Variants in CXXC1 observed in about 807,000 individuals in gnomAD.
CXXC1 encodes CXXC-type zinc finger protein 1.
A neutral mutation model predicts 83.6 loss-of-function variants in CXXC1; 21 were observed. That is an observed-to-expected ratio of 0.25 (90% CI 0.18 to 0.36). CXXC1 has a LOEUF of 0.36. CXXC1 is among the 10% of genes least tolerant of loss of function. CXXC1 has a pLI of 1.00. For missense variants in CXXC1, 688 were observed against 919.5 expected (o/e 0.75, Z 3.26); for synonymous variants, 371 against 337.5 (o/e 1.10, Z -1.09).
chr18:50,282,533 C>A lies in CXXC1; in HGVS notation c.*60G>T. 6.3e-7 allele frequency: 1 copy of A among 1,585,728 alleles called. No individual in the cohort carries two copies. Among genetic ancestry groups the A allele is most frequent in the South Asian group, 1.1e-5 (1 of 90,336 alleles). ...ACAGATGAGTGGAGGAACGGACACA[C>A]GGGCACCGGGCGGCTCCCCCATCTG... On this transcript the variant is annotated 3_prime_UTR_variant, in exon 15 of 15. Coordinates refer to ENST00000285106, the MANE Select transcript of CXXC1 (RefSeq NM_014593.4). The surrounding 1 kb of genome is among the most constrained non-coding windows in gnomAD (Gnocchi z 5.8).
chr18:50,287,418 C>T, intron 1 of CXXC1, 169 bp downstream of exon 1: 4 of 783,798 alleles, frequency 5.1e-6, no homozygotes. Context: ...CCCACCGTGG[C>T]TCACCATAGA....
In CXXC1 at chr18:50,286,148, C is replaced by T. The variant is rs778917305; in HGVS notation, c.333G>A (p.Arg111=). 7 of 1,613,986 alleles carry T rather than the reference C, an allele frequency of 4.3e-6. No homozygotes were observed. The Admixed American group carries it at 5.0e-5, about 12-fold the overall frequency. Residue 111 remains arginine (R), a synonymous_variant, in exon 4 of 15, where the codon AGG becomes AGA. Transcript: ENST00000285106. ...GCTGCAGGTCTGGATCAGGGACAGGCCTCTTGCGCCCTCCACCCTCATCCC... is the reference window on the plus strand; with the variant it reads ...GCTGCAGGTCTGGATCAGGGACAGGTCTCTTGCGCCCTCCACCCTCATCCC... ...EPRDEGGGRK[R]PVPDPDLQRR...
At chr18:50,283,175 G>A (rs1252134162) in intron 13 of CXXC1, 90 bp downstream of exon 13, 11 of 1,330,508 alleles carry the variant, frequency 8.3e-6, no homozygotes, top group East Asian at 2.3e-5. Context: ...AAAAAGTGAA[G>A]GAAAAGTGAG....
In CXXC1 at chr18:50,283,903, C is replaced by T. The variant is rs1172963251; in HGVS notation, c.1404G>A (p.Glu468=). The T allele has an allele frequency of 5.6e-6, 9 of 1,613,968 alleles. No homozygotes were observed. Among genetic ancestry groups the T allele is most frequent in the Non-Finnish European group, 6.8e-6 (8 of 1,180,038 alleles). Residue 468 remains glutamate (E), a synonymous_variant, in exon 10 of 15, where the codon GAG becomes GAA. Coordinates refer to ENST00000285106, the MANE Select transcript of CXXC1 (RefSeq NM_014593.4). ...GCCCCTGCTTGCTCACCTCCTCATC[C>T]TCGCGCACAGCCTGCTGCTTGGCAC... is the stretch of plus-strand genomic sequence containing the variant. ...ILRAKQQAVR[E]DEESNEGDSD... is the part of the protein sequence containing the mutation.
intron 12 of CXXC1, 43 bp downstream of exon 12, chr18:50,283,472 C>T (rs372188604): frequency 3.8e-4 from 618 of 1,612,160 alleles, no homozygotes; most frequent in Non-Finnish European, 4.9e-4. Context: ...TTCTGACCCC[C>T]GCCTTAACCC....
Position 50,287,645 on chromosome 18 carries a change from A to G in CXXC1, c.-56T>C. 6.2e-7 allele frequency: 1 copy of G among 1,604,206 alleles called. No homozygotes were observed. Among genetic ancestry groups the G allele is most frequent in the Non-Finnish European group, 8.5e-7 (1 of 1,178,334 alleles). ...CCCCGCCAGCGACCCGCGAACCTGC[A>G]CAGACCACTCGGCGGCGTCCCAGGC... On this transcript the variant is annotated 5_prime_UTR_variant, in exon 1 of 15. Transcript: ENST00000285106.
Position 50,284,799 on chromosome 18 carries a change from G to A in CXXC1, c.953C>T (p.Pro318Leu), listed in dbSNP as rs754695440. ...TTTCACTGCCCTCTTCCGCAGCGCG[G>A]GGTCCAGGAATGGGGACTCTTCTGT... Reference protein sequence around the residue: ...SDTEESPFLDPALRKRAVKVK... With the variant: ...SDTEESPFLDLALRKRAVKVK... Residue 318 changes from proline (P) to leucine (L), a missense_variant, in exon 8 of 15, where the codon CCC becomes CTC. Physicochemically the swap from Pro to Leu is moderately conservative, Grantham distance 98. This residue lies in a region of CXXC1 where 190 missense variants were observed against 199.7 expected (regional missense o/e 0.95). Coordinates refer to ENST00000285106, the MANE Select transcript of CXXC1 (RefSeq NM_014593.4). 1 of 1,614,148 alleles carries A rather than the reference G, an allele frequency of 6.2e-7. No homozygotes were observed. Among genetic ancestry groups the A allele is most frequent in the East Asian group, 2.2e-5 (1 of 44,880 alleles).
At position 50,286,651 on chromosome 18, in the gene CXXC1, G is replaced by T. The variant is rs1466303723; in HGVS notation, c.123-12C>A. The T allele has an allele frequency of 6.2e-7, 1 of 1,613,506 alleles. No homozygotes were observed. Among genetic ancestry groups the T allele is most frequent in the African/African-American group, 1.3e-5 (1 of 74,942 alleles). On this transcript the variant is annotated splice_polypyrimidine_tract_variant and intron_variant, in intron 2 of 14. Transcript: ENST00000285106. ...AGTTGTCACACCCGCTGCAGAGGAT[G>T]GGGCAGGCGATGGAGATGTGAGGGG... is the stretch of plus-strand genomic sequence containing the variant.
Position 50,287,652 on chromosome 18 carries a change from A to T in CXXC1, c.-63T>A. On this transcript the variant is annotated 5_prime_UTR_variant, in exon 1 of 15. Transcript: ENST00000285106. The stretch of plus-strand genomic sequence containing the variant: ...AGCGACCCGCGAACCTGCACAGACC[A>T]CTCGGCGGCGTCCCAGGCGGTTGCA... 1.3e-6 allele frequency: 2 copies of T among 1,594,860 alleles called. No individual in the cohort carries two copies. Among genetic ancestry groups the T allele is most frequent in the Non-Finnish European group, 1.7e-6 (2 of 1,173,998 alleles).
In CXXC1 at chr18:50,284,805, A is replaced by G; in HGVS notation, c.947T>C (p.Leu316Pro). The G allele has an allele frequency of 3.7e-6, 6 of 1,614,168 alleles. No individual in the cohort carries two copies. Among genetic ancestry groups the G allele is most frequent in the East Asian group, 2.2e-5 (1 of 44,884 alleles). Residue 316 changes from leucine to proline, a missense_variant, in exon 8 of 15, where the codon CTG (leucine) becomes CCG (proline). Leu to Pro is a moderately conservative substitution (Grantham distance 98). Around this residue, in one of 9 missense-constraint regions of CXXC1, gnomAD observed 190 missense variants for 199.7 expected, o/e 0.95. Coordinates refer to ENST00000285106, the MANE Select transcript of CXXC1 (RefSeq NM_014593.4). ...TGCCCTCTTCCGCAGCGCGGGGTCC[A>G]GGAATGGGGACTCTTCTGTGTCGCT... ...WMSDTEESPF[L>P]DPALRKRAVK... is the part of the protein sequence containing the mutation.
In CXXC1 at chr18:50,285,272, GC is replaced by G. The variant is rs1272768790; in HGVS notation, c.667-26del. ...GCTGCAGGGCAGAATCTCAGGACTG[GC>G]CCTGACCGCCCTGCCCGCATGCCCC... On this transcript the variant is annotated intron_variant, in intron 6 of 14. Transcript: ENST00000285106. This position sits in a 1 kb window ranked among gnomAD's most constrained non-coding sequence, Gnocchi z 4.4. 1 of 1,612,666 alleles carries G rather than the reference GC, an allele frequency of 6.2e-7. No homozygotes were observed. The highest frequency in any genetic ancestry group is 2.2e-5 in the East Asian group (1 of 44,868).
Position 50,285,545 on chromosome 18 carries a change from C to G in CXXC1, c.640-194G>C. ...CTGAAAACACCTGGCCCCACTCTGTCTACCCAGGGTTGGTGGGGGTGTTCT... is the reference window on the plus strand; with the variant it reads ...CTGAAAACACCTGGCCCCACTCTGTGTACCCAGGGTTGGTGGGGGTGTTCT... On this transcript the variant is annotated intron_variant, in intron 5 of 14. Transcript: ENST00000285106. The surrounding 1 kb of genome is among the most constrained non-coding windows in gnomAD (Gnocchi z 4.4). 1 of 957,192 alleles carries G rather than the reference C, an allele frequency of 1.0e-6. No homozygotes were observed. The highest frequency in any genetic ancestry group is 1.5e-6 in the Non-Finnish European group (1 of 650,702). 59.3% of individuals were successfully genotyped at this position (957,192 alleles called of 1,614,324 possible).
intron 1 of CXXC1, 71 bp from the exon 2 acceptor site, chr18:50,286,929 C>T: frequency 3.6e-6 from 4 of 1,097,266 alleles, no homozygotes; most frequent in Non-Finnish European, 1.4e-6. Flanking sequence ...ATTACAACTC[C>T]ACCGTGGTCA....
rs754023568 is a variant in CXXC1, at chr18:50,284,394, T to C, written c.1189A>G (p.Met397Val). The stretch of plus-strand genomic sequence containing the variant: ...ATGACTCACTTGGCTGCCAGCTTCA[T>C]GCCACAGTCATCTGAGCAATACTTG... ...SSKYCSDDCG[M>V]KLAANRIYEI... The change falls in exon 9 of 15, where the codon ATG (methionine) becomes GTG (valine). Residue 397 changes from methionine (M) to valine (V), a missense_variant. By Grantham distance (21) the Met-to-Val change is conservative. This residue lies in a region of CXXC1 where 100 missense variants were observed against 142.5 expected (regional missense o/e 0.70). Transcript: ENST00000285106. 18 of 1,546,678 alleles carry C rather than the reference T, an allele frequency of 1.2e-5. No individual in the cohort carries two copies. Among genetic ancestry groups the C allele is most frequent in the Non-Finnish European group, 1.5e-5 (17 of 1,149,514 alleles).
chr18:50,282,684 G>C lies in CXXC1; in HGVS notation c.1880C>G (p.Thr627Arg). ...CAGGGCCAGCAATCCCGCGCGGTTT[G>C]TCATGGCTGTGCGCACATTGCGCTC... ...EQERNVRTAM[T>R]NRAGLLALML... The change falls in exon 15 of 15, where the codon ACA becomes AGA. Residue 627 changes from threonine (T) to arginine (R), a missense_variant. By Grantham distance (71) the Thr-to-Arg change is moderately conservative. Transcript: ENST00000285106. The surrounding 1 kb of genome is among the most constrained non-coding windows in gnomAD (Gnocchi z 5.8). 1 of 1,613,786 alleles carries C rather than the reference G, an allele frequency of 6.2e-7. No individual in the cohort carries two copies. The highest frequency in any genetic ancestry group is 1.1e-5 in the South Asian group (1 of 91,090).
In CXXC1 at chr18:50,287,549, C is replaced by T. The variant is rs766533192; in HGVS notation, c.3+38G>A. The stretch of plus-strand genomic sequence containing the variant: ...GACCCCACTGTTGCCAACCGACCGA[C>T]CTCCACCGCCGAACCCCTCCCTGGA... On this transcript the variant is annotated intron_variant, in intron 1 of 14. Coordinates refer to ENST00000285106, the MANE Select transcript of CXXC1 (RefSeq NM_014593.4). 5 of 1,611,698 alleles carry T rather than the reference C, an allele frequency of 3.1e-6. No individual in the cohort carries two copies. The South Asian group carries it at 5.5e-5, about 18-fold the overall frequency.
Position 50,283,892 on chromosome 18 carries a change from A to C in CXXC1, c.1413+2T>G. Reference sequence around the variant, plus strand: ...TGCTCTGCTGCGCCCCTGCTTGCTCACCTCCTCATCCTCGCGCACAGCCTG... The same window carrying C: ...TGCTCTGCTGCGCCCCTGCTTGCTCCCCTCCTCATCCTCGCGCACAGCCTG... On this transcript the variant is annotated splice_donor_variant, in intron 10 of 14. Coordinates refer to ENST00000285106, the MANE Select transcript of CXXC1 (RefSeq NM_014593.4). LOFTEE classifies it high-confidence loss of function. The C allele has an allele frequency of 6.2e-7, 1 of 1,613,870 alleles. No homozygotes were observed. The highest frequency in any genetic ancestry group is 8.5e-7 in the Non-Finnish European group (1 of 1,179,952).
Position 50,282,677 on chromosome 18 carries a change from G to A in CXXC1, c.1887C>T (p.Arg629=), listed in dbSNP as rs2040531046. ...GCAGCATCAGGGCCAGCAATCCCGC[G>A]CGGTTTGTCATGGCTGTGCGCACAT... ...ERNVRTAMTN[R]AGLLALMLHQ... The change falls in exon 15 of 15, where the codon CGC becomes CGT. Residue 629 remains arginine (R), a synonymous_variant. Transcript: ENST00000285106. The surrounding 1 kb of genome is among the most constrained non-coding windows in gnomAD (Gnocchi z 5.8). 6.2e-7 allele frequency: 1 copy of A among 1,613,566 alleles called. No homozygotes were observed. The highest frequency in any genetic ancestry group is 8.5e-7 in the Non-Finnish European group (1 of 1,180,028).
chr18:50,286,917 C>T, intron 1 of CXXC1, 59 bp from the exon 2 acceptor site: 5 of 1,204,780 alleles, frequency 4.2e-6, no homozygotes, highest in Non-Finnish European at 6.2e-6. Context: ...GCTCATCCCC[C>T]CATTACAACT....
Sources: allele counts gnomAD v4.1 joint callset, GRCh38; gene constraint gnomAD v4.1.1; regional missense constraint gnomAD v4.1.1; non-coding constraint Gnocchi (gnomAD v3.1); transcripts MANE v1.5; gene names NCBI Gene and HGNC (gene_info 2026-07-23, HGNC 2026-07-21).